Variants in BIRC6 observed in about 807,000 individuals in gnomAD.
BIRC6 encodes baculoviral IAP repeat containing 6.
BIRC6 carries 98 observed loss-of-function variants against 503.3 expected under a neutral mutation model. That is an observed-to-expected ratio of 0.19 (90% CI 0.17 to 0.23). The LOEUF (loss-of-function observed/expected upper bound fraction) is 0.23. BIRC6 is among the 10% of genes least tolerant of loss of function. The pLI is 1.00. For missense variants in BIRC6, 5,360 were observed against 5,806.0 expected, an observed-to-expected ratio of 0.92 and a Z score of 2.50; for synonymous variants, 2,240 against 2,078.7, an observed-to-expected ratio of 1.08 and a Z score of -2.11.
In BIRC6 at chr2:32,448,945, T is replaced by C. The variant is rs373810664; in HGVS notation, c.4618+17T>C. On this transcript the variant is annotated intron_variant, in intron 22 of 73. Transcript: ENST00000421745. ...TCCTTTCAGGTAGTGATTTCTTTTA[T>C]TAAAGGAAATTCTGAATGTTGTATC... is the stretch of plus-strand genomic sequence containing the variant. The C allele has an allele frequency of 2.6e-5, 42 of 1,599,598 alleles. 1 individual carries two copies. The South Asian group carries it at 4.5e-4, about 17-fold the overall frequency.
rs188040071 is a variant in BIRC6, at chr2:32,436,099, A to G, written c.3546A>G (p.Leu1182=). The G allele has an allele frequency of 2.1e-5, 31 of 1,486,306 alleles. No homozygotes were observed. The African/African-American group carries it at 2.8e-4, about 13-fold the overall frequency. 92.1% of individuals were successfully genotyped at this position (1,486,306 alleles called of 1,614,324 possible). ...PFLEDHKEDI[L]CGPVWLASGL... Reference sequence around the variant, plus strand: ...TGGAGGATCATAAAGAAGACATTCTATGTGGGCCAGTATGGCTTGCTAGTG... The same window carrying G: ...TGGAGGATCATAAAGAAGACATTCTGTGTGGGCCAGTATGGCTTGCTAGTG... Residue 1182 remains leucine, a synonymous_variant, in exon 15 of 74, where the codon CTA becomes CTG. Transcript: ENST00000421745.
At position 32,395,581 on chromosome 2, in the gene BIRC6, C is replaced by G; in HGVS notation, c.1022C>G (p.Thr341Ser). Residue 341 changes from threonine (T) to serine (S), a missense_variant, in exon 6 of 74, where the codon ACT (threonine) becomes AGT (serine). Physicochemically the swap from Thr to Ser is moderately conservative, Grantham distance 58. Coordinates refer to ENST00000421745, the MANE Select transcript of BIRC6 (RefSeq NM_016252.4). ...CSVCLVCWEP[T>S]DEPWSEHERH... ...GTATGCCTCGTTTGTTGGGAACCTA[C>G]TGATGAACCTTGGTGAGTCTTGATG... is the stretch of plus-strand genomic sequence containing the variant. The G allele has an allele frequency of 6.2e-7, 1 of 1,610,582 alleles. No individual in the cohort carries two copies. The highest frequency in any genetic ancestry group is 1.7e-4 in the Middle Eastern group (1 of 6,052).
chr2:32,508,381 T>C (rs894633600), intron 51 of BIRC6, 122 bp downstream of exon 51: 5 of 1,247,102 alleles, frequency 4.0e-6, no homozygotes, highest in Non-Finnish European at 3.2e-6. Flanking sequence ...CTTTGTTCCA[T>C]AGGTATCTGT....
Position 32,488,646 on chromosome 2 carries a change from A to G in BIRC6, c.8027A>G (p.Asn2676Ser), listed in dbSNP as rs1268270912. 1 of 1,513,876 alleles carries G rather than the reference A, an allele frequency of 6.6e-7. No individual in the cohort carries two copies. Among genetic ancestry groups the G allele is most frequent in the Admixed American group, 2.0e-5 (1 of 49,346 alleles). The allele number at this position is 1,513,876 out of a possible 1,614,324, so 93.8% of individuals were successfully genotyped here. A position where few individuals can be genotyped will look rare whatever the true frequency, so the allele number is the denominator to read the frequency against. Residue 2676 changes from asparagine (N) to serine (S), a missense_variant, in exon 42 of 74, where the codon AAC (asparagine) becomes AGC (serine). This residue lies in a region of BIRC6 where 2,299 missense variants were observed against 2,267.2 expected (regional missense o/e 1.01). Transcript: ENST00000421745. The part of the protein sequence containing the change: ...TLSLNSSSTG[N>S]KENGADIFLY... ...AGCCTGAATTCTAGTTCAACTGGAA[A>G]CAAAGAAAATGGAGCAGACATATTT...
intron 39 of BIRC6, among the ~76,000 whole-genome samples, chr2:32,484,205 A>G (rs1438562053): frequency 1.3e-5 from 2 of 152,148 alleles, no homozygotes; most frequent in Admixed American, 1.3e-4. Flanking sequence ...GGGGCTGGGG[A>G]GCAGAATGGT....
At chr2:32,462,054 T>C (rs940243498) in intron 23 of BIRC6, among the ~76,000 whole-genome samples, 2 of 137,594 alleles carry the variant, frequency 1.5e-5, no homozygotes, top group East Asian at 4.2e-4. Flanking sequence ...AAAATAAAAA[T>C]AAAAAAAAAA....
chr2:32,380,692 C>T (rs78284036), intron 3 of BIRC6, among the ~76,000 whole-genome samples: 13 of 152,058 alleles, frequency 8.5e-5, no homozygotes, highest in Non-Finnish European at 1.5e-4. Flanking sequence ...TGCGCCACTG[C>T]ACTACAGCCT....
chr2:32,469,376 GTT>G lies in BIRC6; in HGVS notation c.6128-16_6128-15del. The G allele has an allele frequency of 6.3e-7, 1 of 1,588,670 alleles. No homozygotes were observed. Among genetic ancestry groups the G allele is most frequent in the Non-Finnish European group, 8.6e-7 (1 of 1,165,404 alleles). On this transcript the variant is annotated splice_polypyrimidine_tract_variant and intron_variant, in intron 29 of 73. Coordinates refer to ENST00000421745, the MANE Select transcript of BIRC6 (RefSeq NM_016252.4). ...ATACATTTAAATAGGAAAGTTTACT[GTT>G]TTCTTTCTTGTAATAGGACACTCTG...
intron 6 of BIRC6, among the ~76,000 whole-genome samples, chr2:32,400,895 G>GT (rs931708634): frequency 6.6e-5 from 10 of 152,130 alleles, no homozygotes; most frequent in Non-Finnish European, 1.2e-4. Flanking sequence ...TGGTTTTTCA[G>GT]TTTTTTCTGA....
At position 32,443,528 on chromosome 2, in the gene BIRC6, C is replaced by G. The variant is rs139377173; in HGVS notation, c.4276C>G (p.Pro1426Ala). ...TGACCCATGTCAACCAGCATTTGGA[C>G]CTGTTCTGTTGAAGGCTTTACTTGA... ...KCDPCQPAFG[P>A]VLLKALLDNM... The change falls in exon 20 of 74, where the codon CCT becomes GCT. Residue 1426 changes from proline to alanine, a missense_variant. Transcript: ENST00000421745. The G allele has an allele frequency of 3.9e-5, 63 of 1,609,382 alleles. No individual in the cohort carries two copies. In the African/African-American group the frequency reaches 6.4e-4, roughly 16 times the overall value.
chr2:32,473,152 G>A lies in BIRC6; in HGVS notation c.6633G>A (p.Gln2211=). The A allele has an allele frequency of 6.3e-7, 1 of 1,580,896 alleles. No individual in the cohort carries two copies. Among genetic ancestry groups the A allele is most frequent in the Non-Finnish European group, 8.6e-7 (1 of 1,160,788 alleles). Residue 2211 remains glutamine (Q), a synonymous_variant, in exon 33 of 74, where the codon CAG becomes CAA. Transcript: ENST00000421745. ...WSFINNNLHT[Q]SLNRSSKGSS... ...TTATTAACAATAATCTACACACTCA[G>A]AGCTTAAATAGATCTTCTAAAGGCA...
intron 10 of BIRC6, among the ~76,000 whole-genome samples, chr2:32,423,535 T>A (rs1265456293): frequency 2.6e-5 from 4 of 152,212 alleles, no homozygotes; most frequent in Admixed American, 6.5e-5. Context: ...ATACCTCATA[T>A]AAGTGGAATC....
At chr2:32,403,647 T>TATTA (rs1558632632) in intron 8 of BIRC6, among the ~76,000 whole-genome samples, 1 of 152,220 alleles carries the variant, frequency 6.6e-6, no homozygotes, top group African/African-American at 2.4e-5. Context: ...ACTGTTACAA[T>TATTA]ATTAGTATGT....
chr2:32,517,605 C>T lies in BIRC6; in HGVS notation c.11350-649C>T, dbSNP rs535963968. Among the ~76,000 whole-genome samples, 5 of 152,210 alleles carry T rather than the reference C, an allele frequency of 3.3e-5. No individual in the cohort carries two copies. In the South Asian group the frequency reaches 1.0e-3, roughly 32 times the overall value. ...TTGGGGGTGAGGTGGGGCAGGATCTCTCTCTGTTGCCCAGGCCTGTAGTGC... is the reference window on the plus strand; with the variant it reads ...TTGGGGGTGAGGTGGGGCAGGATCTTTCTCTGTTGCCCAGGCCTGTAGTGC... On this transcript the variant is annotated intron_variant, in intron 55 of 73. Coordinates refer to ENST00000421745, the MANE Select transcript of BIRC6 (RefSeq NM_016252.4).
At position 32,541,956 on chromosome 2, in the gene BIRC6, A is replaced by G. The variant is rs377750384; in HGVS notation, c.12292-1285A>G. ...GTTCTTTAGGGCCAAAGAAAAATCA[A>G]TTTTCTTTTGCGTGGTTTGAGGATA... On this transcript the variant is annotated intron_variant, in intron 61 of 73. Coordinates refer to ENST00000421745, the MANE Select transcript of BIRC6 (RefSeq NM_016252.4). Among the ~76,000 whole-genome samples the G allele has an allele frequency of 4.6e-5, 7 of 151,970 alleles. No homozygotes were observed. In the East Asian group the frequency reaches 5.8e-4, roughly 13 times the overall value.
At chr2:32,408,264 G>A (rs1194553195) in intron 9 of BIRC6, among the ~76,000 whole-genome samples, 4 of 152,022 alleles carry the variant, frequency 2.6e-5, no homozygotes, top group African/African-American at 4.8e-5. Context: ...CACCGTGCCC[G>A]GCCAGACCTG....
intron 26 of BIRC6, 21 bp downstream of exon 26, chr2:32,465,185 A>AT (rs374940577): frequency 0.15 from 121,731 of 833,586 alleles, 41 homozygotes; most frequent in Non-Finnish European, 0.15. Context: ...ACTTTCTTAA[A>AT]TTTTTTTTTT....
intron 2 of BIRC6, chr2:32,379,409 T>TG (rs1160423387): frequency 6.6e-6 from 1 of 152,234 alleles, no homozygotes; most frequent in East Asian, 1.9e-4. Context: ...ATAAAATACT[T>TG]GAACACTTAT....
chr2:32,569,438 A>G (rs541581899), intron 65 of BIRC6, among the ~76,000 whole-genome samples: 26 of 152,206 alleles, frequency 1.7e-4, no homozygotes, highest in Non-Finnish European at 2.9e-4. Context: ...GTGCTATCAG[A>G]GCTCACTGTA....
Sources: gnomAD v4.1 joint callset for allele counts (sites outside exome capture counted in the v4.1 genomes callset) on GRCh38, gnomAD v4.1.1 for gene constraint, gnomAD v4.1.1 regional missense constraint, MANE v1.5 for transcripts, NCBI Gene and HGNC (gene_info 2026-07-23, HGNC 2026-07-21) for gene names.